GRIK4: variants seen among roughly 807,000 people sequenced by gnomAD.
The protein encoded by GRIK4 is glutamate receptor ionotropic, kainate 4.
In GRIK4, 40 loss-of-function variants were observed where a neutral mutation model predicts 104.9. That is an observed-to-expected ratio of 0.38 (90% confidence interval 0.30 to 0.50). GRIK4 has a LOEUF of 0.50. Among genes scored for constraint, GRIK4 ranks in the 20% least tolerant of loss-of-function variants. The probability of loss-of-function intolerance (pLI) is 0.93; values close to 1 mark genes in which losing one functional copy is unlikely to be tolerated. For missense variants in GRIK4, 1,047 were observed against 1,308.1 expected (o/e 0.80, Z 3.08); for synonymous variants, 485 against 524.9 (o/e 0.92, Z 1.04).
At chr11:120,766,379 C>T (rs1951840152) in intron 3 of GRIK4, among the ~76,000 whole-genome samples, 1 of 152,226 alleles carries the variant, frequency 6.6e-6, no homozygotes, top group Non-Finnish European at 1.5e-5. Context: ...TGGATCCTAG[C>T]TTGCTGGGCT....
intron 3 of GRIK4, among the ~76,000 whole-genome samples, chr11:120,737,559 G>A (rs1019230773): frequency 6.6e-6 from 1 of 152,144 alleles, no homozygotes; most frequent in Non-Finnish European, 1.5e-5. Context: ...ATTCCATTGG[G>A]CAAACGAACA....
At chr11:120,571,172 C>G (rs2135072567) in intron 1 of GRIK4, among the ~76,000 whole-genome samples, 1 of 152,308 alleles carries the variant, frequency 6.6e-6, no homozygotes, top group East Asian at 1.9e-4. Flanking sequence ...CTCCTTTTGC[C>G]TTTCCCTGAT....
intron 11 of GRIK4, among the ~76,000 whole-genome samples, chr11:120,891,810 C>T (rs561975938): frequency 6.6e-6 from 1 of 152,192 alleles, no homozygotes; most frequent in East Asian, 1.9e-4. Context: ...GGAAAGGCTT[C>T]CTGGAGGAAG....
chr11:120,745,364 A>G (rs954643947), intron 3 of GRIK4, among the ~76,000 whole-genome samples: 1 of 152,212 alleles, frequency 6.6e-6, no homozygotes. Context: ...GGAACATTCC[A>G]TACGTACTGC....
chr11:120,608,748 C>G (rs1948993916), intron 1 of GRIK4, among the ~76,000 whole-genome samples: 1 of 152,164 alleles, frequency 6.6e-6, no homozygotes, highest in Non-Finnish European at 1.5e-5. Flanking sequence ...AGAAGCTGAC[C>G]CTGCTACCTC....
chr11:120,910,528 A>G (rs1007105584), intron 13 of GRIK4, among the ~76,000 whole-genome samples: 1 of 152,188 alleles, frequency 6.6e-6, no homozygotes, highest in Non-Finnish European at 1.5e-5. Flanking sequence ...AAGCCCGCAG[A>G]AGGACTGAGT....
chr11:120,907,966 C>T (rs1445798914), intron 13 of GRIK4, among the ~76,000 whole-genome samples: 1 of 152,094 alleles, frequency 6.6e-6, no homozygotes, highest in East Asian at 1.9e-4. Flanking sequence ...AGGATGTTCC[C>T]CTAGGATTGT....
intron 3 of GRIK4, among the ~76,000 whole-genome samples, chr11:120,712,248 C>T (rs910877527): frequency 2.0e-5 from 3 of 152,228 alleles, no homozygotes; most frequent in South Asian, 2.1e-4. Flanking sequence ...TCCTGATGTC[C>T]AGCCATGCGG....
intron 1 of GRIK4, among the ~76,000 whole-genome samples, chr11:120,514,556 G>A (rs535262333): frequency 5.9e-5 from 9 of 152,128 alleles, no homozygotes; most frequent in East Asian, 1.9e-4. Flanking sequence ...CATCCCCTTC[G>A]CCCTCTCCAG....
intron 3 of GRIK4, among the ~76,000 whole-genome samples, chr11:120,681,326 C>T (rs917702204): frequency 5.3e-5 from 8 of 152,112 alleles, no homozygotes; most frequent in African/African-American, 1.9e-4. Flanking sequence ...TTGCAAGGCT[C>T]ACATCAGCTC....
chr11:120,715,385 G>A (rs965499214), intron 3 of GRIK4, among the ~76,000 whole-genome samples: 6 of 152,222 alleles, frequency 3.9e-5, no homozygotes, highest in Admixed American at 2.0e-4. Context: ...GCGGTGGGTC[G>A]TGTCTCATAA....
rs34803231 is a variant in GRIK4, at chr11:120,796,035, ATTTT to A, written c.83-6645_83-6642del. Among the ~76,000 whole-genome samples the A allele has an allele frequency of 2.4e-5, 3 of 125,428 alleles. No homozygotes were observed. In the East Asian group the frequency reaches 6.6e-4, roughly 28 times the overall value. The allele number at this position is 125,428 out of a possible 152,430, so 82.3% of individuals were successfully genotyped here. A position where few individuals can be genotyped will look rare whatever the true frequency, so the allele number is the denominator to read the frequency against. Reference sequence around the variant, plus strand: ...TTATTTTTTGGTTTTTTTTTCCTGAATTTTTTTTTTTTTTTTCCAAGACGGGGTC... The same window carrying A: ...TTATTTTTTGGTTTTTTTTTCCTGAATTTTTTTTTTTTCCAAGACGGGGTC... On this transcript the variant is annotated intron_variant, in intron 3 of 20. Transcript: ENST00000527524.
At chr11:120,892,630 C>A (rs1245713964) in intron 11 of GRIK4, among the ~76,000 whole-genome samples, 1 of 152,160 alleles carries the variant, frequency 6.6e-6, no homozygotes, top group African/African-American at 2.4e-5. Context: ...CCCTGTGGTC[C>A]TGGCCCCTGG....
chr11:120,527,879 C>T (rs1184209353), intron 1 of GRIK4, among the ~76,000 whole-genome samples: 1 of 152,236 alleles, frequency 6.6e-6, no homozygotes, highest in African/African-American at 2.4e-5. Context: ...CTCTGGGAGG[C>T]CTGCTCTGGT....
rs946713369 is a variant in GRIK4, at chr11:120,886,982, G to C, written c.1165-11550G>C. On this transcript the variant is annotated intron_variant, in intron 11 of 20. Coordinates refer to ENST00000527524, the MANE Select transcript of GRIK4 (RefSeq NM_014619.5). ...TTGCAAATGGATCATCATAGAGTCT[G>C]TTTGAATGCCTCCAGTGTCAAGGAA... 7.2e-5 allele frequency among the ~76,000 whole-genome samples: 11 copies of C among 152,310 alleles called. 1 individual carries two copies. In the South Asian group the frequency reaches 1.9e-3, roughly 26 times the overall value.
intron 14 of GRIK4, among the ~76,000 whole-genome samples, chr11:120,943,151 C>CACA (rs869038854): frequency 1.4e-4 from 14 of 98,572 alleles, no homozygotes; most frequent in East Asian, 2.9e-4. Flanking sequence ...CACACACACA[C>CACA]CCCCCTGACT....
At chr11:120,766,267 C>G (rs867529522) in intron 3 of GRIK4, among the ~76,000 whole-genome samples, 1 of 152,178 alleles carries the variant, frequency 6.6e-6, no homozygotes, top group Non-Finnish European at 1.5e-5. Flanking sequence ...GGAAAACCTC[C>G]CACTCAAACC....
chr11:120,750,350 CTTTTTTTTTT>C (rs869135246), intron 3 of GRIK4, among the ~76,000 whole-genome samples: 7 of 76,124 alleles, frequency 9.2e-5, no homozygotes, highest in African/African-American at 1.8e-4. Flanking sequence ...CTAGAAATCT[CTTTTTTTTTT>C]TTTTTTTTTT....
chr11:120,805,844 G>A (rs72995874), intron 4 of GRIK4, among the ~76,000 whole-genome samples: 2 of 152,316 alleles, frequency 1.3e-5, no homozygotes, highest in Non-Finnish European at 2.9e-5. Context: ...GAAGGGAGGA[G>A]GGGGACAGGA....
Sources: allele counts gnomAD v4.1 joint callset (sites outside exome capture counted in the v4.1 genomes callset), GRCh38; gene constraint gnomAD v4.1.1; transcripts MANE v1.5; gene names NCBI Gene and HGNC (gene_info 2026-07-23, HGNC 2026-07-21).